Variants in MLLT3 observed in about 807,000 individuals in gnomAD.
MLLT3 encodes the protein MLLT3 super elongation complex subunit.
A neutral mutation model predicts 53.2 loss-of-function variants in MLLT3; 4 were observed. That is an observed-to-expected ratio of 0.08 (90% CI 0.04 to 0.17). MLLT3 has a LOEUF of 0.17. MLLT3 is among the 10% of genes least tolerant of loss of function. The pLI, the probability that MLLT3 is intolerant of heterozygous loss-of-function variation, is 1.00. For missense variants in MLLT3, 569 were observed against 684.0 expected, an observed-to-expected ratio of 0.83 and a Z score of 1.87; for synonymous variants, 283 against 230.6, an observed-to-expected ratio of 1.23 and a Z score of -2.06.
chr9:20,499,635 T>C (rs988256027), intron 2 of MLLT3, among the ~76,000 whole-genome samples: 4 of 152,238 alleles, frequency 2.6e-5, no homozygotes, highest in African/African-American at 7.2e-5. Flanking sequence ...TTCCCCAAAA[T>C]AGATGCATTC....
intron 5 of MLLT3, among the ~76,000 whole-genome samples, chr9:20,376,264 A>G (rs1821762377): frequency 6.6e-6 from 1 of 152,162 alleles, no homozygotes; most frequent in Non-Finnish European, 1.5e-5. Context: ...CTCCATTTGT[A>G]TTACGACAAC....
chr9:20,417,259 A>C (rs1398521747), intron 4 of MLLT3, among the ~76,000 whole-genome samples: 1 of 147,760 alleles, frequency 6.8e-6, no homozygotes, highest in Non-Finnish European at 1.5e-5. Flanking sequence ...AATAAATGTA[A>C]AACAGTGGCT....
chr9:20,518,261 A>G (rs1423504958), intron 2 of MLLT3, among the ~76,000 whole-genome samples: 2 of 151,930 alleles, frequency 1.3e-5, no homozygotes, highest in Non-Finnish European at 2.9e-5. Flanking sequence ...AGGAGAAATC[A>G]CTTGAACCCA....
chr9:20,563,646 A>G (rs1017631303), intron 2 of MLLT3, among the ~76,000 whole-genome samples: 3 of 152,098 alleles, frequency 2.0e-5, no homozygotes, highest in Non-Finnish European at 4.4e-5. Context: ...AAAGCCTCTC[A>G]GCTGGGTTAG....
At chr9:20,595,302 G>C (rs1330644760) in intron 2 of MLLT3, among the ~76,000 whole-genome samples, 1 of 152,052 alleles carries the variant, frequency 6.6e-6, no homozygotes, top group Non-Finnish European at 1.5e-5. Context: ...AGGAGACTGA[G>C]GCAGCAGTGA....
chr9:20,522,964 AAAATAAAT>A lies in MLLT3; in HGVS notation c.194-66186_194-66179del, dbSNP rs543608557. The stretch of plus-strand genomic sequence containing the variant: ...GCAACAGAGTGAGACCCTGTCTTAA[AAAATAAAT>A]AAATAAATAAATAAATAAAAATAAC... On this transcript the variant is annotated intron_variant, in intron 2 of 10. Coordinates refer to ENST00000380338, the MANE Select transcript of MLLT3 (RefSeq NM_004529.4). 3.3e-5 allele frequency among the ~76,000 whole-genome samples: 5 copies of A among 151,850 alleles called. No individual in the cohort carries two copies. The South Asian group carries it at 6.2e-4, about 19-fold the overall frequency.
At chr9:20,565,926 ATATATATATATTTATATATATATATATT>A (rs1269162429) in intron 2 of MLLT3, among the ~76,000 whole-genome samples, 251 of 16,786 alleles carry the variant, frequency 0.015, 4 homozygotes, top group Middle Eastern at 0.062. Context: ...ATATATTTAT[ATATATATATATTTATATATATATATATT>A]TATATATATA....
intron 3 of MLLT3, among the ~76,000 whole-genome samples, chr9:20,450,946 A>C (rs1823825478): frequency 6.6e-6 from 1 of 152,190 alleles, no homozygotes; most frequent in African/African-American, 2.4e-5. Context: ...AATATATATA[A>C]TGTTTGACCC....
chr9:20,617,731 G>C (rs1820870908), intron 2 of MLLT3, among the ~76,000 whole-genome samples: 1 of 151,982 alleles, frequency 6.6e-6, no homozygotes, highest in African/African-American at 2.4e-5. Flanking sequence ...GACATTCCAG[G>C]CTTCACCATT....
chr9:20,572,631 T>C (rs1022051699), intron 2 of MLLT3, among the ~76,000 whole-genome samples: 1 of 152,046 alleles, frequency 6.6e-6, no homozygotes, highest in African/African-American at 2.4e-5. Flanking sequence ...CCATCTCTAC[T>C]AAAAATATAA....
chr9:20,542,564 T>A (rs1818669553), intron 2 of MLLT3, among the ~76,000 whole-genome samples: 1 of 152,166 alleles, frequency 6.6e-6, no homozygotes, highest in Non-Finnish European at 1.5e-5. Flanking sequence ...AAAGGAGTCT[T>A]TTTTTTCTGA....
chr9:20,352,482 T>G (rs1001657003), intron 10 of MLLT3, among the ~76,000 whole-genome samples: 4 of 152,134 alleles, frequency 2.6e-5, no homozygotes, highest in Admixed American at 1.3e-4. Flanking sequence ...GTAGGCCACT[T>G]AAGTCCTGCT....
chr9:20,532,298 G>T (rs911291839), intron 2 of MLLT3, among the ~76,000 whole-genome samples: 1 of 141,242 alleles, frequency 7.1e-6, no homozygotes, highest in Non-Finnish European at 1.5e-5. Context: ...ATGGAAAAAT[G>T]TAAAAAAATA....
chr9:20,503,029 A>G (rs1428981239), intron 2 of MLLT3, among the ~76,000 whole-genome samples: 4 of 152,184 alleles, frequency 2.6e-5, no homozygotes, highest in African/African-American at 9.7e-5. Flanking sequence ...AGAAACTATA[A>G]AAGATTGATG....
At chr9:20,550,007 T>G (rs989892758) in intron 2 of MLLT3, among the ~76,000 whole-genome samples, 1 of 152,218 alleles carries the variant, frequency 6.6e-6, no homozygotes, top group Non-Finnish European at 1.5e-5. Context: ...ATCACTCATC[T>G]ACAAGAACTG....
chr9:20,605,097 T>G (rs1820527909), intron 2 of MLLT3, among the ~76,000 whole-genome samples: 1 of 152,104 alleles, frequency 6.6e-6, no homozygotes, highest in African/African-American at 2.4e-5. Flanking sequence ...GCCATAGATG[T>G]TTGATTCTTT....
chr9:20,379,677 A>G (rs1821858933), intron 5 of MLLT3, among the ~76,000 whole-genome samples: 1 of 152,094 alleles, frequency 6.6e-6, no homozygotes, highest in African/African-American at 2.4e-5. Flanking sequence ...GGTACTTTTC[A>G]GCATCTAATT....
intron 4 of MLLT3, among the ~76,000 whole-genome samples, chr9:20,427,019 T>C (rs571327354): frequency 1.1e-3 from 163 of 152,132 alleles, no homozygotes; most frequent in Middle Eastern, 6.8e-3. Context: ...AAATCTGCTG[T>C]TGGGGAAAAA....
chr9:20,586,734 A>G, intron 2 of MLLT3, among the ~76,000 whole-genome samples: 1 of 152,142 alleles, frequency 6.6e-6, no homozygotes, highest in East Asian at 1.9e-4. Context: ...AGGGAAAAAA[A>G]GTAGAGAAAT....
Sources: allele counts gnomAD v4.1 joint callset (sites outside exome capture counted in the v4.1 genomes callset), GRCh38; gene constraint gnomAD v4.1.1; transcripts MANE v1.5; gene names NCBI Gene and HGNC (gene_info 2026-07-23, HGNC 2026-07-21).